Variants in HTR5A observed in about 807,000 individuals in gnomAD.
HTR5A encodes 5-hydroxytryptamine receptor 5A, also known as 5-HT-5.
Under a neutral mutation model 24.3 loss-of-function variants are expected in HTR5A, and 21 were observed. That is an observed-to-expected ratio of 0.86 (90% CI 0.61 to 1.24). HTR5A has a LOEUF of 1.24. Ranked by LOEUF, HTR5A falls within the 50% of genes most tolerant of loss-of-function variation. The probability of loss-of-function intolerance (pLI) is 0.00; values close to 1 mark genes in which losing one functional copy is unlikely to be tolerated. For missense variants in HTR5A, 497 were observed against 489.5 expected, an observed-to-expected ratio of 1.02 and a Z score of -0.15; for synonymous variants, 260 against 213.7, an observed-to-expected ratio of 1.22 and a Z score of -1.89.
chr7:155,083,817 TGAA>T (rs1563423263), intron 1 of HTR5A, among the ~76,000 whole-genome samples: 1 of 152,198 alleles, frequency 6.6e-6, no homozygotes, highest in Non-Finnish European at 1.5e-5. Context: ...ACACTTTTGA[TGAA>T]GTGTGCACCT....
At chr7:155,073,627 T>G (rs1366505236) in intron 1 of HTR5A, among the ~76,000 whole-genome samples, 1 of 151,798 alleles carries the variant, frequency 6.6e-6, no homozygotes, top group African/African-American at 2.4e-5. Context: ...CCAAGGGCCC[T>G]CCTTTTATGA....
chr7:155,073,229 G>A (rs1381163756), intron 1 of HTR5A, among the ~76,000 whole-genome samples: 1 of 151,194 alleles, frequency 6.6e-6, no homozygotes. Flanking sequence ...GCTGAGGCAG[G>A]AGAACGGAGT....
At position 155,071,074 on chromosome 7, in the gene HTR5A, C is replaced by T; in HGVS notation, c.175C>T (p.Leu59=). ...GGTGGCGGCGACGTTCGCCTGGAAC[C>T]TGCTGGTGCTGGCGACCATCCTCCG... ...FLVAATFAWN[L]LVLATILRVR... Residue 59 remains leucine, a synonymous_variant, in exon 1 of 2, where the codon CTG becomes TTG. Transcript: ENST00000287907. 3.7e-6 allele frequency: 6 copies of T among 1,608,986 alleles called. No individual in the cohort carries two copies. The highest frequency in any genetic ancestry group is 5.1e-6 in the Non-Finnish European group (6 of 1,180,010).
chr7:155,080,913 G>A (rs1795409934), intron 1 of HTR5A, among the ~76,000 whole-genome samples: 1 of 152,176 alleles, frequency 6.6e-6, no homozygotes, highest in Non-Finnish European at 1.5e-5. Context: ...ATTGGGGTGA[G>A]TCTGACCTTA....
At chr7:155,074,477 A>G (rs1795339513) in intron 1 of HTR5A, 1 of 152,140 alleles carries the variant, frequency 6.6e-6, no homozygotes, top group Admixed American at 6.6e-5. Flanking sequence ...ATGTGGGTAG[A>G]TGACACCCTC....
chr7:155,071,313 C>T lies in HTR5A; in HGVS notation c.414C>T (p.Asp138=). ...GGAACGTGACGGCCATAGCCCTGGA[C>T]CGCTACTGGTCCATCACGCGCCACA... ...SIWNVTAIAL[D]RYWSITRHME... Residue 138 remains aspartate, a synonymous_variant, in exon 1 of 2, where the codon GAC becomes GAT. Transcript: ENST00000287907. 1 of 1,611,620 alleles carries T rather than the reference C, an allele frequency of 6.2e-7. No homozygotes were observed. Among genetic ancestry groups the T allele is most frequent in the Non-Finnish European group, 8.5e-7 (1 of 1,180,034 alleles).
At position 155,079,022 on chromosome 7, in the gene HTR5A, C is replaced by T. The variant is rs931460992; in HGVS notation, c.742-5133C>T. Among the ~76,000 whole-genome samples, 6 of 151,828 alleles carry T rather than the reference C, an allele frequency of 4.0e-5. No homozygotes were observed. The East Asian group carries it at 7.7e-4, about 20-fold the overall frequency. ...CCAGGCTAGAGTGCAGTGGCACAAC[C>T]GTAGCTCACTGCAGCCTTGAAACCC... On this transcript the variant is annotated intron_variant, in intron 1 of 1. Coordinates refer to ENST00000287907, the MANE Select transcript of HTR5A (RefSeq NM_024012.4).
chr7:155,075,207 G>T (rs1795347343), intron 1 of HTR5A, among the ~76,000 whole-genome samples: 1 of 152,224 alleles, frequency 6.6e-6, no homozygotes, highest in African/African-American at 2.4e-5. Context: ...GTCTGTCTGT[G>T]TTGGTCCTCA....
chr7:155,082,091 C>T (rs919448540), intron 1 of HTR5A, among the ~76,000 whole-genome samples: 9 of 151,858 alleles, frequency 5.9e-5, no homozygotes, highest in African/African-American at 1.7e-4. Flanking sequence ...AATCAGCATC[C>T]GTGGTGTCTC....
chr7:155,073,840 C>CACACACAT (rs1238859814), intron 1 of HTR5A, among the ~76,000 whole-genome samples: 1 of 125,328 alleles, frequency 8.0e-6, no homozygotes, highest in African/African-American at 3.1e-5. Context: ...TACACACACA[C>CACACACAT]ATATATATAC....
rs1795473204 is a variant in HTR5A at position 155,086,044 on chromosome 7, T to C, written c.*1557T>C. Among the ~76,000 whole-genome samples the C allele has an allele frequency of 6.6e-6, 1 of 152,224 alleles. No homozygotes were observed. Among genetic ancestry groups the C allele is most frequent in the South Asian group, 2.1e-4 (1 of 4,830 alleles). On this transcript the variant is annotated 3_prime_UTR_variant, in exon 2 of 2. Coordinates refer to ENST00000287907, the MANE Select transcript of HTR5A (RefSeq NM_024012.4). ...GAAACGTCCTTAGATTTTTCATCTGTATATATCACTTGAAGTGCTAAACCC... is the reference window on the plus strand; with the variant it reads ...GAAACGTCCTTAGATTTTTCATCTGCATATATCACTTGAAGTGCTAAACCC...
At chr7:155,073,887 A>ATG (rs1436625736) in intron 1 of HTR5A, among the ~76,000 whole-genome samples, 12 of 124,462 alleles carry the variant, frequency 9.6e-5, no homozygotes, top group African/African-American at 3.7e-4. Context: ...GTATATATAT[A>ATG]TGTATATATA....
chr7:155,084,276 G>A lies in HTR5A; in HGVS notation c.863G>A (p.Gly288Asp). 1 of 1,614,126 alleles carries A rather than the reference G, an allele frequency of 6.2e-7. No individual in the cohort carries two copies. The highest frequency in any genetic ancestry group is 8.5e-7 in the Non-Finnish European group (1 of 1,180,028). Residue 288 changes from glycine to aspartate, a missense_variant, in exon 2 of 2, where the codon GGC becomes GAC. Transcript: ENST00000287907. ...QKEQRAALMVGILIGVFVLCW... is the reference protein window; with the variant it reads ...QKEQRAALMVDILIGVFVLCW... The stretch of plus-strand genomic sequence containing the variant: ...GAGCAGCGGGCCGCCCTCATGGTGG[G>A]CATCCTCATTGGCGTGTTCGTGCTC...
At chr7:155,084,123 C>G (rs1273236830) in intron 1 of HTR5A, 32 bp from the exon 2 acceptor site, 3 of 1,527,262 alleles carry the variant, frequency 2.0e-6, no homozygotes, top group Admixed American at 1.8e-5. Flanking sequence ...ACTGAGGTGG[C>G]TCCTCATAAA....
At position 155,070,834 on chromosome 7, in the gene HTR5A, T is replaced by C. The variant is rs945194447; in HGVS notation, c.-66T>C. On this transcript the variant is annotated 5_prime_UTR_variant, in exon 1 of 2. Coordinates refer to ENST00000287907, the MANE Select transcript of HTR5A (RefSeq NM_024012.4). ...ACATCCGGATTGGCTCTGGGCACAG[T>C]GGCCGCCTTAAGTCCTCCTGAACAC... is the stretch of plus-strand genomic sequence containing the variant. 2 of 1,503,954 alleles carry C rather than the reference T, an allele frequency of 1.3e-6. No homozygotes were observed. Among genetic ancestry groups the C allele is most frequent in the Non-Finnish European group, 1.8e-6 (2 of 1,118,120 alleles). 93.2% of individuals were successfully genotyped at this position (1,503,954 alleles called of 1,614,324 possible). A position where few individuals can be genotyped will look rare whatever the true frequency, so the allele number is the denominator to read the frequency against.
chr7:155,071,253 C>A lies in HTR5A; in HGVS notation c.354C>A (p.Ile118=), dbSNP rs755079876. 4 of 1,605,490 alleles carry A rather than the reference C, an allele frequency of 2.5e-6. No individual in the cohort carries two copies. The highest frequency in any genetic ancestry group is 2.2e-5 in the South Asian group (2 of 91,066). ...GTCGGAGGCTGTGCCAGCTTTGGAT[C>A]GCGTGCGACGTGCTTTGCTGCACGG... ...QLGRRLCQLW[I]ACDVLCCTAS... is the part of the protein sequence containing the mutation. The change falls in exon 1 of 2, where the codon ATC becomes ATA. Residue 118 remains isoleucine (I), a synonymous_variant. Coordinates refer to ENST00000287907, the MANE Select transcript of HTR5A (RefSeq NM_024012.4).
Position 155,086,297 on chromosome 7 carries a change from C to T in HTR5A, c.*1810C>T, listed in dbSNP as rs2581832. 2.6e-5 allele frequency among the ~76,000 whole-genome samples: 4 copies of T among 152,054 alleles called. No individual in the cohort carries two copies. Among genetic ancestry groups the T allele is most frequent in the East Asian group, 3.9e-4 (2 of 5,192 alleles). The stretch of plus-strand genomic sequence containing the variant: ...AGGTAACACTAGAATCAAGGGTAAA[C>T]GCTTAAGTCTATTCTACCTGAAAAT... On this transcript the variant is annotated 3_prime_UTR_variant, in exon 2 of 2. Coordinates refer to ENST00000287907, the MANE Select transcript of HTR5A (RefSeq NM_024012.4).
chr7:155,078,478 A>G (rs538330000), intron 1 of HTR5A, among the ~76,000 whole-genome samples: 11 of 152,156 alleles, frequency 7.2e-5, no homozygotes, highest in South Asian at 6.2e-4. Context: ...ACACCTGGCT[A>G]ATTTTTGTAT....
At chr7:155,073,428 G>T (rs1795320543) in intron 1 of HTR5A, among the ~76,000 whole-genome samples, 2 of 151,660 alleles carry the variant, frequency 1.3e-5, no homozygotes, top group Admixed American at 1.3e-4. Context: ...CCCCTCAACA[G>T]AGAATTGTTC....
Sources: gnomAD v4.1 joint callset for allele counts (sites outside exome capture counted in the v4.1 genomes callset) on GRCh38, gnomAD v4.1.1 for gene constraint, MANE v1.5 for transcripts, NCBI Gene and HGNC (gene_info 2026-07-23, HGNC 2026-07-21) for gene names.